MAP3K5: variants seen among roughly 807,000 people sequenced by gnomAD.
MAP3K5 encodes the protein mitogen-activated protein kinase kinase kinase 5, also known as ASK-1.
Under a neutral mutation model 158.7 loss-of-function variants are expected in MAP3K5, and 56 were observed. The observed-to-expected ratio is 0.35, with a 90% CI of 0.28 to 0.44. The LOEUF is 0.44. Ranked by LOEUF, MAP3K5 falls within the 20% of genes least tolerant of loss-of-function variation. The probability of loss-of-function intolerance (pLI) is 1.00; values close to 1 mark genes in which losing one functional copy is unlikely to be tolerated. For missense variants in MAP3K5, 1,294 were observed against 1,674.8 expected, an observed-to-expected ratio of 0.77 and a Z score of 3.97; for synonymous variants, 579 against 601.7, an observed-to-expected ratio of 0.96 and a Z score of 0.55.
intron 26 of MAP3K5, among the ~76,000 whole-genome samples, chr6:136,566,929 G>A (rs1370649140): frequency 6.6e-6 from 1 of 152,152 alleles, no homozygotes; most frequent in Non-Finnish European, 1.5e-5. Flanking sequence ...TTAAAAAAAA[G>A]TTTTTAATGC....
intron 3 of MAP3K5, among the ~76,000 whole-genome samples, chr6:136,700,700 G>A (rs1052815473): frequency 2.0e-5 from 3 of 152,164 alleles, no homozygotes; most frequent in African/African-American, 7.2e-5. Flanking sequence ...GTCCAAAAGA[G>A]AGCTAGAAAT....
chr6:136,755,350 G>C, intron 1 of MAP3K5, among the ~76,000 whole-genome samples: 1 of 151,950 alleles, frequency 6.6e-6, no homozygotes, highest in Non-Finnish European at 1.5e-5. Flanking sequence ...TAGGCCCTCA[G>C]ACACAGGGTC....
intron 15 of MAP3K5, among the ~76,000 whole-genome samples, chr6:136,617,357 G>A (rs945987964): frequency 6.6e-6 from 1 of 152,128 alleles, no homozygotes; most frequent in African/African-American, 2.4e-5. Context: ...CCTGTAACAA[G>A]GGAAAGAAGA....
At chr6:136,757,760 T>C (rs981688165) in intron 1 of MAP3K5, among the ~76,000 whole-genome samples, 19 of 151,838 alleles carry the variant, frequency 1.3e-4, no homozygotes, top group Non-Finnish European at 2.5e-4. Flanking sequence ...CTATTTTTTG[T>C]TTTTAGTAGA....
intron 11 of MAP3K5, among the ~76,000 whole-genome samples, chr6:136,646,783 A>C (rs1778279732): frequency 6.6e-6 from 1 of 152,264 alleles, no homozygotes; most frequent in Non-Finnish European, 1.5e-5. Flanking sequence ...ATGCAAAACA[A>C]TATAAATATT....
intron 1 of MAP3K5, among the ~76,000 whole-genome samples, chr6:136,722,668 T>G (rs1008927331): frequency 7.0e-6 from 1 of 143,438 alleles, no homozygotes; most frequent in Admixed American, 7.3e-5. Flanking sequence ...TTTTCTTTTT[T>G]TTTTCCTTTT....
chr6:136,706,090 T>A (rs1781065616), intron 2 of MAP3K5, among the ~76,000 whole-genome samples: 1 of 152,102 alleles, frequency 6.6e-6, no homozygotes, highest in African/African-American at 2.4e-5. Context: ...AAACTCCATC[T>A]CTACTAACAA....
chr6:136,598,636 G>T (rs1775735708), intron 21 of MAP3K5, among the ~76,000 whole-genome samples: 1 of 152,182 alleles, frequency 6.6e-6, no homozygotes, highest in African/African-American at 2.4e-5. Flanking sequence ...GGGGAAGGGG[G>T]TCTCATTGTC....
chr6:136,632,721 G>A (rs1294878924), intron 14 of MAP3K5, among the ~76,000 whole-genome samples: 1 of 152,158 alleles, frequency 6.6e-6, no homozygotes, highest in Admixed American at 6.5e-5. Flanking sequence ...ATTAAGACGG[G>A]TTTGGGAGGG....
chr6:136,655,732 G>A (rs1050318190), intron 10 of MAP3K5, among the ~76,000 whole-genome samples: 13 of 140,494 alleles, frequency 9.3e-5, no homozygotes, highest in Admixed American at 1.4e-4. Context: ...GTGTGTGTGT[G>A]TGTGTATTAT....
chr6:136,693,474 A>G (rs1005790963), intron 7 of MAP3K5, among the ~76,000 whole-genome samples: 1 of 152,140 alleles, frequency 6.6e-6, no homozygotes, highest in Non-Finnish European at 1.5e-5. Flanking sequence ...AAAATCTTTA[A>G]AATATCAAGC....
intron 15 of MAP3K5, among the ~76,000 whole-genome samples, chr6:136,618,249 G>C (rs9321563): frequency 0.071 from 10,779 of 152,230 alleles, 872 homozygotes; most frequent in African/African-American, 0.19. Flanking sequence ...TTTTTCAACA[G>C]AACGTCCACA....
intron 21 of MAP3K5, among the ~76,000 whole-genome samples, chr6:136,597,693 G>T (rs1268800820): frequency 6.6e-6 from 1 of 152,210 alleles, no homozygotes; most frequent in African/African-American, 2.4e-5. Context: ...ACCAACTGAG[G>T]CATAGCTATA....
chr6:136,663,410 T>C (rs927977841), intron 8 of MAP3K5, among the ~76,000 whole-genome samples: 3 of 152,204 alleles, frequency 2.0e-5, no homozygotes, highest in Non-Finnish European at 4.4e-5. Flanking sequence ...TTACAGCATA[T>C]ACCTAAAATA....
chr6:136,712,156 C>A lies in MAP3K5; in HGVS notation c.589-7023G>T, dbSNP rs1333531805. On this transcript the variant is annotated intron_variant, in intron 2 of 29. Coordinates refer to ENST00000359015, the MANE Select transcript of MAP3K5 (RefSeq NM_005923.4). ...GAATGCTGATGAATGACATTTTATA[C>A]ATAAAGCATTTAATAGAGCTTTTTT... Among the ~76,000 whole-genome samples, 18 of 149,076 alleles carry A rather than the reference C, an allele frequency of 1.2e-4. 1 individual carries two copies.
intron 23 of MAP3K5, among the ~76,000 whole-genome samples, chr6:136,585,645 AC>A (rs1775109823): frequency 6.6e-6 from 1 of 151,832 alleles, no homozygotes; most frequent in African/African-American, 2.4e-5. Context: ...GATTACAGGC[AC>A]CTGTCATGCC....
chr6:136,762,388 T>C (rs1783797883), intron 1 of MAP3K5, among the ~76,000 whole-genome samples: 1 of 152,158 alleles, frequency 6.6e-6, no homozygotes, highest in Non-Finnish European at 1.5e-5. Context: ...TTTGATAGGA[T>C]ACACAGCCAA....
intron 21 of MAP3K5, among the ~76,000 whole-genome samples, chr6:136,596,427 TG>T (rs1775633565): frequency 1.3e-5 from 2 of 151,990 alleles, no homozygotes; most frequent in African/African-American, 4.8e-5. Flanking sequence ...AGACGCTACA[TG>T]GGTGGGAAGG....
In MAP3K5 at chr6:136,749,417, G is replaced by A. The variant is rs555950089; in HGVS notation, c.449-28828C>T. On this transcript the variant is annotated intron_variant, in intron 1 of 29. Coordinates refer to ENST00000359015, the MANE Select transcript of MAP3K5 (RefSeq NM_005923.4). ...AATTATGAGGGCTCCATTAGGGTGC[G>A]TGAAGGTCGCCAGTGAAAATACAAT... Among the ~76,000 whole-genome samples the A allele has an allele frequency of 2.9e-4, 44 of 151,054 alleles. 1 individual carries two copies. Among genetic ancestry groups the A allele is most frequent in the African/African-American group, 3.6e-4 (15 of 41,176 alleles).
Sources: allele counts gnomAD v4.1 joint callset (sites outside exome capture counted in the v4.1 genomes callset), GRCh38; gene constraint gnomAD v4.1.1; transcripts MANE v1.5; gene names NCBI Gene and HGNC (gene_info 2026-07-23, HGNC 2026-07-21).